The following MAPKAPK2 variants were observed in gnomAD, a reference collection of about 807,000 sequenced individuals.
MAPKAPK2 encodes MAP kinase-activated protein kinase 2.
MAPKAPK2 carries 9 observed loss-of-function variants against 48.8 expected under a neutral mutation model. That is an observed-to-expected ratio of 0.18 (90% confidence interval 0.11 to 0.32). MAPKAPK2 has a LOEUF of 0.32. Among genes scored for constraint, MAPKAPK2 ranks in the 10% least tolerant of loss-of-function variants. The probability of loss-of-function intolerance (pLI) is 1.00; values close to 1 mark genes in which losing one functional copy is unlikely to be tolerated. For missense variants in MAPKAPK2, 331 were observed against 498.3 expected (o/e 0.66, Z 3.20); for synonymous variants, 202 against 190.6 (o/e 1.06, Z -0.49).
intron 1 of MAPKAPK2, among the ~76,000 whole-genome samples, chr1:206,707,370 T>C (rs978616281): frequency 3.9e-5 from 6 of 152,060 alleles, no homozygotes; most frequent in Non-Finnish European, 7.4e-5. Context: ...TAATAGACTT[T>C]GGTTTGAGAA....
chr1:206,708,478 C>G (rs1553428951), intron 1 of MAPKAPK2, among the ~76,000 whole-genome samples: 1 of 152,234 alleles, frequency 6.6e-6, no homozygotes, highest in African/African-American at 2.4e-5. Flanking sequence ...GTTTCAATCT[C>G]TCTATCCATT....
intron 1 of MAPKAPK2, among the ~76,000 whole-genome samples, chr1:206,686,243 G>A (rs1472212635): frequency 1.1e-4 from 16 of 152,214 alleles, no homozygotes; most frequent in African/African-American, 3.9e-4. Flanking sequence ...TCTGTAACCC[G>A]CGGCCGGGCC....
chr1:206,686,967 T>C (rs1201529376), intron 1 of MAPKAPK2, among the ~76,000 whole-genome samples: 3 of 152,330 alleles, frequency 2.0e-5, no homozygotes, highest in African/African-American at 7.2e-5. Context: ...CTTTCCCTAC[T>C]CATAACTGAA....
intron 1 of MAPKAPK2, among the ~76,000 whole-genome samples, chr1:206,728,497 G>A (rs894182136): frequency 6.6e-6 from 1 of 151,862 alleles, no homozygotes; most frequent in East Asian, 1.9e-4. Context: ...CAGTGTAGCT[G>A]TCAAGGCCCC....
intron 1 of MAPKAPK2, among the ~76,000 whole-genome samples, chr1:206,726,663 C>T (rs1194127912): frequency 6.6e-6 from 1 of 152,234 alleles, no homozygotes; most frequent in East Asian, 1.9e-4. Context: ...AAGACTTGGT[C>T]TTTGGAGTCT....
intron 1 of MAPKAPK2, among the ~76,000 whole-genome samples, chr1:206,693,575 C>T (rs1192332681): frequency 6.6e-6 from 1 of 152,146 alleles, no homozygotes; most frequent in African/African-American, 2.4e-5. Context: ...CTACTGTGCT[C>T]GCCTCCAGCC....
chr1:206,695,514 G>A (rs1193437315), intron 1 of MAPKAPK2, among the ~76,000 whole-genome samples: 1 of 129,236 alleles, frequency 7.7e-6, no homozygotes, highest in Non-Finnish European at 1.6e-5. Context: ...GCTTATATAT[G>A]TTGTTTCTTT....
chr1:206,712,146 A>G (rs188492292), intron 1 of MAPKAPK2, among the ~76,000 whole-genome samples: 12 of 152,322 alleles, frequency 7.9e-5, no homozygotes, highest in African/African-American at 2.4e-4. Context: ...TGCAATCACA[A>G]TGCTTTACAC....
chr1:206,731,620 C>T lies in MAPKAPK2; in HGVS notation c.893-20C>T. 1 of 1,593,398 alleles carries T rather than the reference C, an allele frequency of 6.3e-7. No homozygotes were observed. The highest frequency in any genetic ancestry group is 8.6e-7 in the Non-Finnish European group (1 of 1,161,106). On this transcript the variant is annotated intron_variant, in intron 7 of 9. Coordinates refer to ENST00000367103, the MANE Select transcript of MAPKAPK2 (RefSeq NM_032960.4). This position sits in a 1 kb window ranked among gnomAD's most constrained non-coding sequence, Gnocchi z 5.9. ...GAGAGTGACCCCTGAGCTGTCACTG[C>T]CCCCTGTCCCACCCCACAGTGAAGA...
intron 1 of MAPKAPK2, among the ~76,000 whole-genome samples, chr1:206,687,426 G>A (rs1029384266): frequency 1.3e-5 from 2 of 152,230 alleles, no homozygotes; most frequent in African/African-American, 4.8e-5. Context: ...AGAAGTGGGC[G>A]AAGAGTGAAG....
At chr1:206,720,770 A>G (rs1673489459) in intron 1 of MAPKAPK2, among the ~76,000 whole-genome samples, 3 of 152,194 alleles carry the variant, frequency 2.0e-5, no homozygotes, top group African/African-American at 7.2e-5. Flanking sequence ...ATGTTTTGAT[A>G]ATGAAATTTA....
chr1:206,690,519 G>A (rs913995174), intron 1 of MAPKAPK2, among the ~76,000 whole-genome samples: 1 of 152,228 alleles, frequency 6.6e-6, no homozygotes, highest in African/African-American at 2.4e-5. Flanking sequence ...GAGGAGGAAG[G>A]TATTGGGACC....
In MAPKAPK2 at chr1:206,734,072, C is replaced by G. The variant is rs539601830; in HGVS notation, c.*1354C>G. The G allele has an allele frequency of 6.5e-6, 1 of 152,804 alleles. No homozygotes were observed. The highest frequency in any genetic ancestry group is 1.9e-4 in the East Asian group (1 of 5,190). The allele number at this position is 152,804 out of a possible 1,614,324, so 9.5% of individuals were successfully genotyped here. ...GCCATGGCCCCCCACTCCCCCTTCC[C>G]TTGGAGGGAGAGGTGGCAGGAATAC... On this transcript the variant is annotated 3_prime_UTR_variant, in exon 10 of 10. Coordinates refer to ENST00000367103, the MANE Select transcript of MAPKAPK2 (RefSeq NM_032960.4).
At chr1:206,696,132 AT>A in intron 1 of MAPKAPK2, 2 of 1,549,144 alleles carry the variant, frequency 1.3e-6, no homozygotes, top group Non-Finnish European at 1.8e-6. Context: ...TGCCAGAAAG[AT>A]CAGTGACATG....
At chr1:206,707,548 G>T (rs1673002463) in intron 1 of MAPKAPK2, among the ~76,000 whole-genome samples, 1 of 152,164 alleles carries the variant, frequency 6.6e-6, no homozygotes, top group Non-Finnish European at 1.5e-5. Context: ...CACATGGTCT[G>T]CCCTGGGCCC....
chr1:206,706,862 G>T (rs146098325), intron 1 of MAPKAPK2, among the ~76,000 whole-genome samples: 48 of 152,078 alleles, frequency 3.2e-4, no homozygotes, highest in African/African-American at 1.1e-3. Context: ...AGAAGGCAGG[G>T]CAGTGTCTGA....
At position 206,697,976 on chromosome 1, in the gene MAPKAPK2, G is replaced by A. The variant is rs541980533; in HGVS notation, c.279+12468G>A. ...CTTGACCTTGAAGGACTCCTGCACC[G>A]AAAGCCTTTCATCACTGTTGTTGCA... is the stretch of plus-strand genomic sequence containing the variant. On this transcript the variant is annotated intron_variant, in intron 1 of 9. Coordinates refer to ENST00000367103, the MANE Select transcript of MAPKAPK2 (RefSeq NM_032960.4). Among the ~76,000 whole-genome samples the A allele has an allele frequency of 2.0e-5, 3 of 152,352 alleles. No homozygotes were observed. In the East Asian group the frequency reaches 5.8e-4, roughly 29 times the overall value.
rs782277040 is a variant in MAPKAPK2, at chr1:206,732,545, G to A, written c.1060-30G>A. On this transcript the variant is annotated intron_variant, in intron 9 of 9. Transcript: ENST00000367103. The surrounding 1 kb of genome is among the most constrained non-coding windows in gnomAD (Gnocchi z 4.4). ...TCCTACCTGTCTTCTGGCTCTCTCT[G>A]TACCCTTCCTGGTGCTGCCGTGCCC... is the stretch of plus-strand genomic sequence containing the variant. 2 of 1,612,474 alleles carry A rather than the reference G, an allele frequency of 1.2e-6. No individual in the cohort carries two copies. The highest frequency in any genetic ancestry group is 4.5e-5 in the East Asian group (2 of 44,872).
chr1:206,696,325 C>G, intron 1 of MAPKAPK2: 2 of 786,560 alleles, frequency 2.5e-6, no homozygotes, highest in African/African-American at 3.4e-5. Context: ...CTTTAGATAT[C>G]GGATTGGACT....
Sources: gnomAD v4.1 joint callset for allele counts (sites outside exome capture counted in the v4.1 genomes callset) on GRCh38, gnomAD v4.1.1 for gene constraint, Gnocchi (gnomAD v3.1) non-coding constraint, MANE v1.5 for transcripts, NCBI Gene and HGNC (gene_info 2026-07-23, HGNC 2026-07-21) for gene names.